AGBL4: variants seen among roughly 807,000 people sequenced by gnomAD.
The protein encoded by AGBL4 is cytosolic carboxypeptidase 6.
A neutral mutation model predicts 66.4 loss-of-function variants in AGBL4; 58 were observed. The observed-to-expected ratio is 0.87, with a 90% confidence interval of 0.71 to 1.09. AGBL4 has a LOEUF of 1.09. Among genes scored for constraint, AGBL4 ranks in the 50% least tolerant of loss-of-function variants. The pLI, the probability that AGBL4 is intolerant of heterozygous loss-of-function variation, is 0.00. For synonymous variants in AGBL4, 234 were observed against 222.9 expected (o/e 1.05, Z -0.44); for missense variants, 579 against 631.0 (o/e 0.92, Z 0.88).
chr1:49,925,784 C>T (rs1652706542), intron 1 of AGBL4, among the ~76,000 whole-genome samples: 1 of 152,202 alleles, frequency 6.6e-6, no homozygotes, highest in African/African-American at 2.4e-5. Context: ...AAGGAGATTC[C>T]TCTGCCTGGG....
At chr1:49,670,146 G>C (rs1571296837) in intron 3 of AGBL4, among the ~76,000 whole-genome samples, 1 of 152,106 alleles carries the variant, frequency 6.6e-6, no homozygotes, top group Non-Finnish European at 1.5e-5. Context: ...ACAACAGATT[G>C]AGAAGCACCT....
intron 5 of AGBL4, among the ~76,000 whole-genome samples, chr1:48,992,674 A>C (rs1046508519): frequency 6.6e-6 from 1 of 151,996 alleles, no homozygotes; most frequent in East Asian, 1.9e-4. Context: ...TTCTACTGTG[A>C]CTGAGCTTAC....
At chr1:48,896,479 A>C (rs970572434) in intron 5 of AGBL4, among the ~76,000 whole-genome samples, 1 of 152,230 alleles carries the variant, frequency 6.6e-6, no homozygotes, top group Non-Finnish European at 1.5e-5. Context: ...GCTTAATTAT[A>C]ATCTTATTAA....
chr1:48,942,263 C>G (rs1248847499), intron 5 of AGBL4, among the ~76,000 whole-genome samples: 3 of 152,018 alleles, frequency 2.0e-5, no homozygotes, highest in Admixed American at 6.6e-5. Flanking sequence ...AGAAATACCC[C>G]CATTCCTCCA....
At chr1:48,983,923 T>C (rs1348166656) in intron 5 of AGBL4, among the ~76,000 whole-genome samples, 2 of 152,120 alleles carry the variant, frequency 1.3e-5, no homozygotes, top group Admixed American at 1.3e-4. Context: ...GAAAGGTCTC[T>C]AGGGATCTGA....
chr1:49,916,263 G>T (rs1208454094), intron 1 of AGBL4, among the ~76,000 whole-genome samples: 3 of 152,168 alleles, frequency 2.0e-5, no homozygotes, highest in African/African-American at 7.2e-5. Context: ...AGAGAAGAGG[G>T]CTTCAGACAA....
chr1:49,812,802 CCAGGTA>C (rs1378173688), intron 2 of AGBL4, among the ~76,000 whole-genome samples: 1 of 152,098 alleles, frequency 6.6e-6, no homozygotes, highest in African/African-American at 2.4e-5. Context: ...CTACTATGTG[CCAGGTA>C]CTGTACTAAG....
intron 1 of AGBL4, among the ~76,000 whole-genome samples, chr1:49,961,715 G>T (rs1657134621): frequency 6.6e-6 from 1 of 152,044 alleles, no homozygotes; most frequent in East Asian, 1.9e-4. Context: ...AGCAATCACA[G>T]TTGCTTCAAC....
At chr1:48,693,540 G>A (rs934090951) in intron 6 of AGBL4, among the ~76,000 whole-genome samples, 11 of 152,170 alleles carry the variant, frequency 7.2e-5, no homozygotes, top group African/African-American at 2.4e-4. Context: ...AGGTCAAGGC[G>A]TGCTTTCGTG....
At chr1:49,037,355 G>A (rs551877482) in intron 5 of AGBL4, among the ~76,000 whole-genome samples, 1 of 152,178 alleles carries the variant, frequency 6.6e-6, no homozygotes, top group Non-Finnish European at 1.5e-5. Flanking sequence ...TTATCAGGAA[G>A]GTAAGCTGCC....
intron 5 of AGBL4, among the ~76,000 whole-genome samples, chr1:48,888,181 A>G (rs1289839702): frequency 1.3e-5 from 2 of 152,160 alleles, no homozygotes; most frequent in African/African-American, 4.8e-5. Context: ...CTGGCCCCCA[A>G]AGCCCAGAGG....
At chr1:49,618,030 G>A (rs1156910084) in intron 3 of AGBL4, among the ~76,000 whole-genome samples, 1 of 152,082 alleles carries the variant, frequency 6.6e-6, no homozygotes, top group African/African-American at 2.4e-5. Flanking sequence ...ACACGCCCTG[G>A]TGTGTGATGT....
chr1:49,781,270 T>C (rs988582439), intron 2 of AGBL4, among the ~76,000 whole-genome samples: 2 of 152,060 alleles, frequency 1.3e-5, no homozygotes, highest in African/African-American at 4.8e-5. Flanking sequence ...GGTGTACACC[T>C]ATAATCCTAG....
At chr1:49,763,538 A>G (rs1265815148) in intron 2 of AGBL4, among the ~76,000 whole-genome samples, 1 of 152,228 alleles carries the variant, frequency 6.6e-6, no homozygotes, top group Non-Finnish European at 1.5e-5. Flanking sequence ...AAGTGATGGA[A>G]CACATGGAAA....
At chr1:49,165,984 A>G (rs1646627059) in intron 4 of AGBL4, among the ~76,000 whole-genome samples, 1 of 152,138 alleles carries the variant, frequency 6.6e-6, no homozygotes, top group East Asian at 1.9e-4. Flanking sequence ...AGAGGGGCCC[A>G]GCTTTAGATT....
At chr1:49,041,719 G>C (rs1014732521) in intron 5 of AGBL4, among the ~76,000 whole-genome samples, 1 of 152,030 alleles carries the variant, frequency 6.6e-6, no homozygotes, top group Non-Finnish European at 1.5e-5. Flanking sequence ...TAAGAAACCC[G>C]GTATGTGTGT....
intron 3 of AGBL4, among the ~76,000 whole-genome samples, chr1:49,397,604 A>T (rs1413717901): frequency 6.6e-6 from 1 of 152,206 alleles, no homozygotes; most frequent in Non-Finnish European, 1.5e-5. Flanking sequence ...TAGGTAAAAA[A>T]CAAAGGGGCT....
chr1:49,442,353 G>A (rs1646053572), intron 3 of AGBL4, among the ~76,000 whole-genome samples: 1 of 152,172 alleles, frequency 6.6e-6, no homozygotes, highest in African/African-American at 2.4e-5. Flanking sequence ...CAAGCAGAGG[G>A]AATGCCCTGT....
chr1:48,596,619 T>A lies in AGBL4; in HGVS notation c.952-5634A>T, dbSNP rs540169281. On this transcript the variant is annotated intron_variant, in intron 9 of 13. Transcript: ENST00000371839. ...TCATACTGTATATTTATTTAAAAAA[T>A]TTTTTTTGTAGAGACAAGGTTTGCT... is the stretch of plus-strand genomic sequence containing the variant. Among the ~76,000 whole-genome samples the A allele has an allele frequency of 2.3e-3, 350 of 152,108 alleles. 3 individuals carry two copies. Among genetic ancestry groups the A allele is most frequent in the African/African-American group, 7.9e-3 (329 of 41,500 alleles).
Sources: gnomAD v4.1 joint callset for allele counts (sites outside exome capture counted in the v4.1 genomes callset) on GRCh38, gnomAD v4.1.1 for gene constraint, MANE v1.5 for transcripts, NCBI Gene and HGNC (gene_info 2026-07-23, HGNC 2026-07-21) for gene names.